MAGEA11: variants seen among roughly 807,000 people sequenced by gnomAD.
MAGEA11 encodes the protein melanoma-associated antigen 11.
MAGEA11 carries 1 observed loss-of-function variant against 8.4 expected under a neutral mutation model. The observed-to-expected ratio is 0.12, with a 90% CI of 0.04 to 0.57. The LOEUF is 0.57. Among genes scored for constraint, MAGEA11 ranks in the 20% least tolerant of loss-of-function variants. MAGEA11 has a pLI of 0.91. For synonymous variants in MAGEA11, 127 were observed against 119.3 expected, an observed-to-expected ratio of 1.06 and a Z score of -0.42; for missense variants, 209 against 317.3, an observed-to-expected ratio of 0.66 and a Z score of 2.59.
In MAGEA11 at chrX:149,716,839, C is replaced by T. The variant is rs1353897820; in HGVS notation, c.*63C>T. On this transcript the variant is annotated 3_prime_UTR_variant, in exon 5 of 5. Coordinates refer to ENST00000355220, the MANE Select transcript of MAGEA11 (RefSeq NM_005366.5). The stretch of plus-strand genomic sequence containing the variant: ...GGCCAATGCATGCTTCAGGGCCACA[C>T]CCAGCAGTTTCCCTGTCCTGTGTGA... 26 of 1,037,028 alleles carry T rather than the reference C, an allele frequency of 2.5e-5. No individual in the cohort carries two copies. The Admixed American group carries it at 6.9e-4, about 27-fold the overall frequency. The allele number at this position is 1,037,028 out of a possible 1,213,427, so 85.5% of individuals were successfully genotyped here.
At chrX:149,705,026 C>A (rs1187961682) in intron 1 of MAGEA11, among the ~76,000 whole-genome samples, 1 of 112,494 alleles carries the variant, frequency 8.9e-6, no homozygotes, top group Non-Finnish European at 1.9e-5. Context: ...TGTGGATTTC[C>A]CTTGGGACAT....
intron 1 of MAGEA11, among the ~76,000 whole-genome samples, chrX:149,699,574 T>G (rs1557360828): frequency 8.9e-6 from 1 of 111,760 alleles, no homozygotes; most frequent in African/African-American, 3.3e-5. Context: ...TAGTCTCTGA[T>G]TGGGTTACCC....
At chrX:149,712,184 A>G in intron 1 of MAGEA11, 22 bp downstream of exon 1, 5 of 737,831 alleles carry the variant, frequency 6.8e-6, no homozygotes, top group Non-Finnish European at 8.0e-6. Flanking sequence ...GGGAGGACTG[A>G]GGAGTCCTCC....
At chrX:149,688,911 G>C (rs2090299072) in exon 1 of MAGEA11, 1 of 990,029 alleles carries the variant, frequency 1.0e-6, no homozygotes, top group African/African-American at 2.0e-5. Context: ...CTTTCATAGA[G>C]GTGGGTGCTA....
In MAGEA11 at chrX:149,693,957, C is replaced by T. The variant is rs111221919; in HGVS notation, c.9+4973C>T. Among the ~76,000 whole-genome samples the T allele has an allele frequency of 1.8e-3, 198 of 112,215 alleles. 1 individual carries two copies. Among genetic ancestry groups the T allele is most frequent in the African/African-American group, 6.0e-3 (187 of 30,912 alleles). ...TGTATGTATATACATTTTGCTTATA[C>T]ATTCATCTCTTGATGGACATTTAGG... On this transcript the variant is annotated intron_variant, in intron 1 of 3. Transcript: ENST00000333104.
At chrX:149,712,407 A>T (rs1179976910) in intron 1 of MAGEA11, among the ~76,000 whole-genome samples, 3 of 111,999 alleles carry the variant, frequency 2.7e-5, no homozygotes, top group Admixed American at 1.9e-4. Context: ...GAAATTATGG[A>T]GAGGTTCCAC....
chrX:149,700,075 C>T (rs895527900), intron 1 of MAGEA11, among the ~76,000 whole-genome samples: 1 of 112,705 alleles, frequency 8.9e-6, no homozygotes, highest in African/African-American at 3.2e-5. Context: ...TGACATCCCA[C>T]ATGGTCCTTC....
chrX:149,710,056 A>C (rs1326852070), upstream of MAGEA11, among the ~76,000 whole-genome samples: 1 of 112,272 alleles, frequency 8.9e-6, no homozygotes, highest in East Asian at 2.8e-4. Context: ...ATTCAAAAAA[A>C]TGCACACTTG....
upstream of MAGEA11, among the ~76,000 whole-genome samples, chrX:149,709,534 G>C (rs1602936635): frequency 9.0e-6 from 1 of 111,535 alleles, no homozygotes; most frequent in African/African-American, 3.3e-5. Context: ...TCAAATACCA[G>C]AAGAGGACCT....
chrX:149,709,940 A>G (rs782223695), upstream of MAGEA11, among the ~76,000 whole-genome samples: 1 of 112,124 alleles, frequency 8.9e-6, no homozygotes, highest in African/African-American at 3.2e-5. Context: ...TCAAAGTTGT[A>G]TTGGAATACA....
intron 1 of MAGEA11, among the ~76,000 whole-genome samples, chrX:149,699,599 A>G (rs1453873630): frequency 1.8e-5 from 2 of 111,831 alleles, no homozygotes; most frequent in Non-Finnish European, 3.8e-5. Context: ...TGACTTGTAA[A>G]TCTATGGTGT....
At position 149,693,596 on chromosome X, in the gene MAGEA11, T is replaced by A. The variant is rs186355451; in HGVS notation, c.9+4612T>A. ...TAAAAAAATACATGTACCATAAATTTACCACTTCAAAAGTATGATTCCATC... is the reference window on the plus strand; with the variant it reads ...TAAAAAAATACATGTACCATAAATTAACCACTTCAAAAGTATGATTCCATC... On this transcript the variant is annotated intron_variant, in intron 1 of 3. Transcript: ENST00000333104. Among the ~76,000 whole-genome samples, 30 of 112,307 alleles carry A rather than the reference T, an allele frequency of 2.7e-4. No homozygotes were observed. In the East Asian group the frequency reaches 8.3e-3, roughly 31 times the overall value.
chrX:149,704,650 C>T (rs990749451), intron 1 of MAGEA11, among the ~76,000 whole-genome samples: 3 of 111,992 alleles, frequency 2.7e-5, no homozygotes, highest in Non-Finnish European at 3.8e-5. Flanking sequence ...GGTACCCTGG[C>T]AGCTCATGGC....
upstream of MAGEA11, among the ~76,000 whole-genome samples, chrX:149,709,989 G>A (rs1015024698): frequency 1.8e-5 from 2 of 111,805 alleles, no homozygotes; most frequent in African/African-American, 6.5e-5. Context: ...TAAGAGGTAT[G>A]TGTATTGGAA....
At chrX:149,702,180 G>T (rs1202454060) in intron 1 of MAGEA11, among the ~76,000 whole-genome samples, 1 of 111,629 alleles carries the variant, frequency 9.0e-6, no homozygotes, top group African/African-American at 3.2e-5. Context: ...ATAATTGGGG[G>T]TTAGGTCTGG....
chrX:149,700,087 C>T (rs2090345663), intron 1 of MAGEA11, among the ~76,000 whole-genome samples: 2 of 112,555 alleles, frequency 1.8e-5, no homozygotes, highest in South Asian at 7.4e-4. Context: ...TGGTCCTTCC[C>T]CTGACATGTA....
upstream of MAGEA11, among the ~76,000 whole-genome samples, chrX:149,710,641 T>TTTTC (rs782304621): frequency 3.8e-3 from 419 of 110,309 alleles, 4 homozygotes; most frequent in African/African-American, 0.013. Context: ...TTCTTTTTCT[T>TTTTC]TTTCTTTCTT....
upstream of MAGEA11, among the ~76,000 whole-genome samples, chrX:149,707,833 A>G (rs2090383710): frequency 8.9e-6 from 1 of 112,315 alleles, no homozygotes. Context: ...TTGCCTAACC[A>G]GTCTTAATTT....
chrX:149,688,697 C>A, upstream of MAGEA11: 2 of 209,472 alleles, frequency 9.5e-6, no homozygotes, highest in Non-Finnish European at 1.8e-5. Context: ...TATACATATA[C>A]ATATACATAT....
Sources: gnomAD v4.1 joint callset for allele counts (sites outside exome capture counted in the v4.1 genomes callset) on GRCh38, gnomAD v4.1.1 for gene constraint, MANE v1.5 for transcripts, NCBI Gene and HGNC (gene_info 2026-07-23, HGNC 2026-07-21) for gene names.